C1orf54: variants seen among roughly 807,000 people sequenced by gnomAD.
C1orf54 encodes the protein chromosome 1 open reading frame 54.
In C1orf54, 12 loss-of-function variants were observed where a neutral mutation model predicts 14.7. The observed-to-expected ratio is 0.82, with a 90% CI of 0.52 to 1.32. The LOEUF (loss-of-function observed/expected upper bound fraction) is 1.32, where lower values mean the gene tolerates loss of function less well. Ranked by LOEUF, C1orf54 falls within the 40% of genes most tolerant of loss-of-function variation. C1orf54 has a pLI of 0.00. For missense variants in C1orf54, 163 were observed against 162.2 expected (o/e 1.00, Z -0.03); for synonymous variants, 65 against 56.3 (o/e 1.16, Z -0.70).
intron 1 of C1orf54, among the ~76,000 whole-genome samples, chr1:150,273,672 G>C (rs587756482): frequency 7.2e-4 from 109 of 152,302 alleles, no homozygotes; most frequent in Middle Eastern, 6.8e-3. Context: ...GTGTATGTTA[G>C]TTATTTGTAA....
intron 5 of C1orf54, 142 bp downstream of exon 5, chr1:150,279,883 T>TCCTTC: frequency 1.3e-6 from 1 of 747,410 alleles, no homozygotes. Context: ...GGAAGAGATT[T>TCCTTC]AGGCTCATCC....
chr1:150,273,596 TG>T (rs1652385103), intron 1 of C1orf54, among the ~76,000 whole-genome samples: 1 of 152,176 alleles, frequency 6.6e-6, no homozygotes, highest in South Asian at 2.1e-4. Context: ...GGATGTTAAG[TG>T]GATTGTTCAG....
At chr1:150,268,760 G>A (rs112321698), upstream of C1orf54, 49 of 1,613,920 alleles carry the variant, frequency 3.0e-5, no homozygotes, top group Middle Eastern at 8.2e-4. Context: ...AAAGCGCGAA[G>A]GCCGGGCCGA....
upstream of C1orf54, among the ~76,000 whole-genome samples, chr1:150,270,760 G>A (rs1553851120): frequency 6.6e-6 from 1 of 152,056 alleles, no homozygotes; most frequent in Non-Finnish European, 1.5e-5. Context: ...ACTTTGGGAG[G>A]TCGAGGCAGG....
chr1:150,276,578 A>C lies in C1orf54; in HGVS notation c.246A>C (p.Thr82=). 1 of 1,614,232 alleles carries C rather than the reference A, an allele frequency of 6.2e-7. No homozygotes were observed. Among genetic ancestry groups the C allele is most frequent in the African/African-American group, 1.3e-5 (1 of 75,056 alleles). The change falls in exon 4 of 6, where the codon ACA becomes ACC. Residue 82 remains threonine (T), a synonymous_variant. Transcript: ENST00000369099. ...TAGAGACTACCATTAGTCTTGAAAC[A>C]GCACGTGCAGACCATCCGAAGCCTG... ...EAIETTISLE[T]ARADHPKPVT...
chr1:150,270,773 G>A (rs994145869), upstream of C1orf54, among the ~76,000 whole-genome samples: 2 of 151,960 alleles, frequency 1.3e-5, no homozygotes. Context: ...GAGGCAGGCA[G>A]ATCACGAGGT....
upstream of C1orf54, among the ~76,000 whole-genome samples, chr1:150,270,795 G>C (rs1483900351): frequency 2.0e-5 from 3 of 151,712 alleles, no homozygotes; most frequent in East Asian, 5.9e-4. Flanking sequence ...AGGAGATCGA[G>C]ACCATCCTGG....
chr1:150,277,119 G>A (rs1286149463), intron 4 of C1orf54, among the ~76,000 whole-genome samples: 1 of 152,190 alleles, frequency 6.6e-6, no homozygotes, highest in African/African-American at 2.4e-5. Flanking sequence ...TTGTGCTTGA[G>A]ATACACCCTG....
At chr1:150,272,436 G>A (rs2101865698), upstream of C1orf54, 2 of 205,082 alleles carry the variant, frequency 9.8e-6, no homozygotes, top group South Asian at 1.6e-4. Flanking sequence ...CAGTGAGAGG[G>A]AGGGTGAACT....
Position 150,274,076 on chromosome 1 carries a change from T to C in C1orf54, c.47-11T>C. The C allele has an allele frequency of 6.2e-7, 1 of 1,600,792 alleles. No individual in the cohort carries two copies. The highest frequency in any genetic ancestry group is 8.6e-7 in the Non-Finnish European group (1 of 1,168,320). On this transcript the variant is annotated splice_polypyrimidine_tract_variant and intron_variant, in intron 1 of 5. Coordinates refer to ENST00000369099, the MANE Select transcript of C1orf54 (RefSeq NM_024579.4). ...CAGATGTCCCTTGACCTCTAGTCCT[T>C]GTCCCCATAGGACAAGAATATGAGG...
upstream of C1orf54, chr1:150,272,653 G>A (rs1652293437): frequency 1.5e-6 from 1 of 672,072 alleles, no homozygotes; most frequent in South Asian, 1.9e-5. Flanking sequence ...GCAGTAACCG[G>A]AGATCTAGTC....
At chr1:150,278,570 G>A (rs1175985659) in intron 4 of C1orf54, among the ~76,000 whole-genome samples, 1 of 152,322 alleles carries the variant, frequency 6.6e-6, no homozygotes, top group South Asian at 2.1e-4. Flanking sequence ...CCTGTAGTGA[G>A]TGGGAGGAAG....
At chr1:150,273,583 A>G (rs1652383696) in intron 1 of C1orf54, among the ~76,000 whole-genome samples, 1 of 152,230 alleles carries the variant, frequency 6.6e-6, no homozygotes, top group Non-Finnish European at 1.5e-5. Context: ...ATTTTAAGAA[A>G]GCGGATGTTA....
upstream of C1orf54, among the ~76,000 whole-genome samples, chr1:150,271,672 G>A (rs587687867): frequency 6.6e-4 from 100 of 152,342 alleles, no homozygotes; most frequent in African/African-American, 2.0e-3. Flanking sequence ...TGAATTGAAT[G>A]AACATGGGAA....
At chr1:150,280,529 C>T (rs1553853209) in intron 5 of C1orf54, among the ~76,000 whole-genome samples, 1 of 152,196 alleles carries the variant, frequency 6.6e-6, no homozygotes, top group Non-Finnish European at 1.5e-5. Context: ...AGGCAAAGTT[C>T]AGAGGCAGAA....
upstream of C1orf54, chr1:150,272,749 C>A: frequency 1.3e-6 from 2 of 1,528,262 alleles, no homozygotes; most frequent in Non-Finnish European, 1.8e-6. Context: ...GGAGGGGAGG[C>A]GGGGTAAGTT....
At position 150,275,783 on chromosome 1, in the gene C1orf54, A is replaced by G; in HGVS notation, c.173A>G (p.Glu58Gly). Residue 58 changes from glutamate (E) to glycine (G), a missense_variant, in exon 3 of 6, where the codon GAG (glutamate) becomes GGG (glycine). By Grantham distance (98) the Glu-to-Gly change is moderately conservative. Coordinates refer to ENST00000369099, the MANE Select transcript of C1orf54 (RefSeq NM_024579.4). The part of the protein sequence containing the change: ...ADFTIDYSIF[E>G]SEDRLNRLDK... ...TTCACCATTGATTACTCCATATTTG[A>G]GTCAGAGGACAGGCTGGTGAGTGAA... The G allele has an allele frequency of 1.2e-6, 2 of 1,612,224 alleles. No homozygotes were observed. The highest frequency in any genetic ancestry group is 1.7e-6 in the Non-Finnish European group (2 of 1,178,358).
At chr1:150,269,092 C>T (rs1215977206), upstream of C1orf54, 10 of 369,992 alleles carry the variant, frequency 2.7e-5, no homozygotes, top group Non-Finnish European at 4.2e-5. Flanking sequence ...GGAGAATCAG[C>T]GCGGGCGGAG....
chr1:150,273,438 A>G (rs1454294510), intron 1 of C1orf54, among the ~76,000 whole-genome samples: 2 of 152,218 alleles, frequency 1.3e-5, no homozygotes, highest in Non-Finnish European at 2.9e-5. Context: ...TTGAAGGGAA[A>G]GCATTCAAGG....
Sources: gnomAD v4.1 joint callset for allele counts (sites outside exome capture counted in the v4.1 genomes callset) on GRCh38, gnomAD v4.1.1 for gene constraint, MANE v1.5 for transcripts, NCBI Gene and HGNC (gene_info 2026-07-23, HGNC 2026-07-21) for gene names.